Variants in BCCIP observed in about 807,000 individuals in gnomAD.
BCCIP encodes BRCA2 and CDKN1A interacting protein.
In BCCIP, 23 loss-of-function variants were observed where a neutral mutation model predicts 32.8. The ratio of observed to expected loss-of-function variants is 0.70; its 90% CI spans 0.51 to 0.99. BCCIP has a LOEUF of 0.99. BCCIP is among the 50% of genes least tolerant of loss of function. The pLI is 0.00. For synonymous variants in BCCIP, 144 were observed against 137.6 expected, an observed-to-expected ratio of 1.05 and a Z score of -0.33; for missense variants, 378 against 379.8, an observed-to-expected ratio of 1.00 and a Z score of 0.04.
intron 5 of BCCIP, among the ~76,000 whole-genome samples, chr10:125,832,430 CTG>C (rs1447014036): frequency 1.3e-5 from 2 of 152,184 alleles, no homozygotes; most frequent in Non-Finnish European, 2.9e-5. Flanking sequence ...CAACTCTACT[CTG>C]GAAACCTTTA....
In BCCIP at chr10:125,833,931, A is replaced by G. The variant is rs375792600; in HGVS notation, c.759A>G (p.Glu253=). Reference sequence around the variant, plus strand: ...CGTTAATGTTTGCAAATGCAGAGGAAGAATTTTTCTATGAGGTAAGACTAT... The same window carrying G: ...CGTTAATGTTTGCAAATGCAGAGGAGGAATTTTTCTATGAGGTAAGACTAT... ...KAALMFANAE[E]EFFYEKAILK... is the part of the protein sequence containing the mutation. The change falls in exon 6 of 7, where the codon GAA becomes GAG. Residue 253 remains glutamate, a synonymous_variant. Transcript: ENST00000278100. 1.2e-6 allele frequency: 2 copies of G among 1,614,252 alleles called. No homozygotes were observed. The highest frequency in any genetic ancestry group is 1.7e-6 in the Non-Finnish European group (2 of 1,180,046).
At chr10:125,838,062 C>A, downstream of BCCIP, 1 of 695,530 alleles carries the variant, frequency 1.4e-6, no homozygotes, top group Non-Finnish European at 2.3e-6. Flanking sequence ...CCACAGAGGC[C>A]TGCCCTTAGT....
At chr10:125,842,099 TGA>T (rs1037304225) in exon 7 of BCCIP, 23 of 932,418 alleles carry the variant, frequency 2.5e-5, no homozygotes, top group African/African-American at 2.4e-4. Flanking sequence ...TAGTGATTCT[TGA>T]GAGGGCAAAC....
At chr10:125,841,751 A>G in exon 7 of BCCIP, 1 of 1,610,094 alleles carries the variant, frequency 6.2e-7, no homozygotes, top group South Asian at 1.1e-5. Context: ...ACCTGTTACC[A>G]TGGCTGCGAT....
chr10:125,844,355 C>G (rs1195269967), downstream of BCCIP, among the ~76,000 whole-genome samples: 4 of 152,294 alleles, frequency 2.6e-5, no homozygotes, highest in African/African-American at 9.6e-5. Flanking sequence ...GGCAATGGTC[C>G]CTTTAAGCAT....
intron 7 of BCCIP, among the ~76,000 whole-genome samples, chr10:125,848,013 C>A (rs763754493): frequency 1.3e-5 from 2 of 152,168 alleles, no homozygotes; most frequent in African/African-American, 4.8e-5. Flanking sequence ...GGGTTGGGGA[C>A]CCCTGCATTA....
At chr10:125,827,073 T>G (rs1854411317) in intron 2 of BCCIP, among the ~76,000 whole-genome samples, 2 of 150,800 alleles carry the variant, frequency 1.3e-5, no homozygotes, top group South Asian at 4.2e-4. Flanking sequence ...TTCTATCCTC[T>G]CCACCTTGCC....
intron 7 of BCCIP, chr10:125,852,453 TAA>T (rs1463265874): frequency 1.9e-5 from 30 of 1,613,906 alleles, no homozygotes; most frequent in Non-Finnish European, 2.5e-5. Flanking sequence ...AAAATTTTCC[TAA>T]AAGACACCAA....
intron 6 of BCCIP, among the ~76,000 whole-genome samples, chr10:125,834,274 A>G (rs1477346865): frequency 6.6e-6 from 1 of 152,226 alleles, no homozygotes; most frequent in African/African-American, 2.4e-5. Flanking sequence ...AGAGGTAGAC[A>G]TTAGCCTGGG....
chr10:125,847,781 A>C (rs559212340), downstream of BCCIP, among the ~76,000 whole-genome samples: 44 of 152,286 alleles, frequency 2.9e-4, no homozygotes, highest in African/African-American at 1.0e-3. Context: ...GATGGGAGAC[A>C]GTGACAGATC....
downstream of BCCIP, chr10:125,836,656 G>A: frequency 6.2e-7 from 1 of 1,603,078 alleles, no homozygotes; most frequent in Non-Finnish European, 8.5e-7. Flanking sequence ...CTACCTTTGG[G>A]ACCCTGCTGC....
intron 7 of BCCIP, chr10:125,852,599 G>A (rs543883941): frequency 1.2e-6 from 2 of 1,613,506 alleles, no homozygotes; most frequent in African/African-American, 1.3e-5. Context: ...CTGGCTGATG[G>A]GCTGCATGAC....
chr10:125,852,227 CAG>C (rs1277100828), intron 7 of BCCIP: 4 of 1,576,862 alleles, frequency 2.5e-6, no homozygotes, highest in Middle Eastern at 2.2e-4. Flanking sequence ...GAACTCAGGA[CAG>C]AGAATGGGCA....
chr10:125,845,974 A>G (rs887948726), downstream of BCCIP, among the ~76,000 whole-genome samples: 2 of 152,164 alleles, frequency 1.3e-5, no homozygotes, highest in African/African-American at 2.4e-5. Context: ...CTCTCCCTGC[A>G]TGTCACATCA....
chr10:125,833,675 C>A, intron 5 of BCCIP, 97 bp from the exon 6 acceptor site: 1 of 1,187,614 alleles, frequency 8.4e-7, no homozygotes, highest in Non-Finnish European at 1.2e-6. Flanking sequence ...ACAGCAGAAC[C>A]CACTGAAGAT....
intron 6 of BCCIP, among the ~76,000 whole-genome samples, chr10:125,834,648 C>CA (rs370440785): frequency 0.032 from 4,452 of 137,172 alleles, 123 homozygotes; most frequent in East Asian, 0.16. Context: ...ACTAAAAATA[C>CA]AAAAAAAAAA....
chr10:125,840,894 C>T, downstream of BCCIP: 1 of 1,609,520 alleles, frequency 6.2e-7, no homozygotes, highest in Non-Finnish European at 8.5e-7. Flanking sequence ...CTTGTAAATG[C>T]TGATGAGGGT....
At position 125,833,829 on chromosome 10, in the gene BCCIP, C is replaced by T. The variant is rs889419588; in HGVS notation, c.657C>T (p.Tyr219=). 6.2e-7 allele frequency: 1 copy of T among 1,614,128 alleles called. No individual in the cohort carries two copies. Among genetic ancestry groups the T allele is most frequent in the Admixed American group, 1.7e-5 (1 of 60,016 alleles). ...TNKPCGKCYF[Y]LLISKTFVEA... ...AGCCATGTGGGAAGTGCTACTTTTA[C>T]CTTCTGATTAGTAAGACATTTGTGG... Residue 219 remains tyrosine, a synonymous_variant, in exon 6 of 7, where the codon TAC becomes TAT. Transcript: ENST00000278100.
chr10:125,851,505 T>C (rs937769924), intron 7 of BCCIP, among the ~76,000 whole-genome samples: 8 of 152,196 alleles, frequency 5.3e-5, no homozygotes, highest in East Asian at 1.9e-4. Flanking sequence ...AGCAAGAAGA[T>C]GCCTAGGAAA....
Sources: allele counts gnomAD v4.1 joint callset (sites outside exome capture counted in the v4.1 genomes callset), GRCh38; gene constraint gnomAD v4.1.1; transcripts MANE v1.5; gene names NCBI Gene and HGNC (gene_info 2026-07-23, HGNC 2026-07-21).